Variants in APBA1 observed in about 807,000 individuals in gnomAD.
The protein encoded by APBA1 is amyloid beta precursor protein binding family A member 1.
APBA1 carries 55 observed loss-of-function variants against 86.6 expected under a neutral mutation model. The ratio of observed to expected loss-of-function variants is 0.64; its 90% confidence interval spans 0.51 to 0.80. The LOEUF (loss-of-function observed/expected upper bound fraction) is 0.80. APBA1 is among the 30% of genes least tolerant of loss of function. The pLI is 0.00. For synonymous variants in APBA1, 511 were observed against 493.9 expected (o/e 1.03, Z -0.46); for missense variants, 1,090 against 1,183.0 (o/e 0.92, Z 1.15).
intron 11 of APBA1, among the ~76,000 whole-genome samples, chr9:69,440,618 T>G: frequency 6.6e-6 from 1 of 152,176 alleles, no homozygotes; most frequent in East Asian, 1.9e-4. Flanking sequence ...TGCCGTTTGT[T>G]ATGCCCATTG....
chr9:69,642,490 A>C (rs1357616843), intron 1 of APBA1, among the ~76,000 whole-genome samples: 2 of 152,170 alleles, frequency 1.3e-5, no homozygotes, highest in Non-Finnish European at 2.9e-5. Context: ...TGGAAATCTC[A>C]TAAGTTGCTG....
intron 1 of APBA1, among the ~76,000 whole-genome samples, chr9:69,585,995 C>T (rs1822012491): frequency 1.3e-5 from 2 of 152,096 alleles, no homozygotes; most frequent in Non-Finnish European, 2.9e-5. Flanking sequence ...ATGTTTGCCT[C>T]GTCACTTCAT....
Position 69,590,783 on chromosome 9 carries a change from G to A in APBA1, c.-69-73504C>T, listed in dbSNP as rs540364939. On this transcript the variant is annotated intron_variant, in intron 1 of 12. Coordinates refer to ENST00000265381, the MANE Select transcript of APBA1 (RefSeq NM_001163.4). ...GCTTCTCACTCCCAGCTTCGCCAGGGTGGGGGTGGGCAGGGGACATGGCTG... is the reference window on the plus strand; with the variant it reads ...GCTTCTCACTCCCAGCTTCGCCAGGATGGGGGTGGGCAGGGGACATGGCTG... Among the ~76,000 whole-genome samples, 14 of 152,296 alleles carry A rather than the reference G, an allele frequency of 9.2e-5. No homozygotes were observed. In the South Asian group the frequency reaches 2.5e-3, roughly 27 times the overall value.
intron 1 of APBA1, among the ~76,000 whole-genome samples, chr9:69,518,777 A>G (rs959373961): frequency 8.5e-5 from 13 of 152,258 alleles, no homozygotes; most frequent in African/African-American, 2.6e-4. Flanking sequence ...GACCAGGGAC[A>G]TCTGATGGAC....
At chr9:69,554,299 T>C (rs1297185005) in intron 1 of APBA1, among the ~76,000 whole-genome samples, 1 of 152,188 alleles carries the variant, frequency 6.6e-6, no homozygotes, top group Admixed American at 6.6e-5. Flanking sequence ...GGGCATTAAG[T>C]AAATTAAGAG....
At chr9:69,548,726 A>T (rs968955961) in intron 1 of APBA1, among the ~76,000 whole-genome samples, 1 of 152,242 alleles carries the variant, frequency 6.6e-6, no homozygotes. Context: ...CACCAATGCC[A>T]TTTGGTCACA....
intron 8 of APBA1, among the ~76,000 whole-genome samples, chr9:69,453,080 T>G (rs1446192229): frequency 1.3e-5 from 2 of 152,244 alleles, no homozygotes; most frequent in African/African-American, 4.8e-5. Context: ...TTCAGAATGG[T>G]TGCGCCAGAG....
chr9:69,453,000 T>C (rs967544359), intron 8 of APBA1, among the ~76,000 whole-genome samples: 2 of 152,240 alleles, frequency 1.3e-5, no homozygotes, highest in African/African-American at 4.8e-5. Flanking sequence ...GATATCCCAC[T>C]GCACACTGCG....
At chr9:69,575,636 G>C (rs1356108747) in intron 1 of APBA1, among the ~76,000 whole-genome samples, 4 of 152,132 alleles carry the variant, frequency 2.6e-5, no homozygotes, top group Non-Finnish European at 5.9e-5. Flanking sequence ...AATGGTGCTG[G>C]GAAAATTGGC....
At chr9:69,497,551 C>T (rs552263150) in intron 2 of APBA1, among the ~76,000 whole-genome samples, 5 of 152,140 alleles carry the variant, frequency 3.3e-5, no homozygotes, top group Non-Finnish European at 5.9e-5. Context: ...ATCATCAGCA[C>T]ACTGCTTGAA....
chr9:69,458,088 AAGGTAAAACAGAAACG>A, intron 6 of APBA1, 52 bp downstream of exon 6: 1 of 1,445,546 alleles, frequency 6.9e-7, no homozygotes, highest in Non-Finnish European at 9.3e-7. Flanking sequence ...AAAATATAAA[AAGGTAAAACAGAAACG>A]AATGAAAAGA....
At chr9:69,523,056 C>T (rs1193798253) in intron 1 of APBA1, among the ~76,000 whole-genome samples, 1 of 152,050 alleles carries the variant, frequency 6.6e-6, no homozygotes, top group African/African-American at 2.4e-5. Context: ...TGTTCCACAG[C>T]TTGGGTGGAA....
At chr9:69,447,696 C>A (rs971219801) in intron 10 of APBA1, among the ~76,000 whole-genome samples, 1 of 152,196 alleles carries the variant, frequency 6.6e-6, no homozygotes, top group Non-Finnish European at 1.5e-5. Context: ...CATCATCTTG[C>A]TGTGCCTCAG....
chr9:69,605,037 C>T (rs1284196592), intron 1 of APBA1, among the ~76,000 whole-genome samples: 1 of 152,196 alleles, frequency 6.6e-6, no homozygotes, highest in East Asian at 1.9e-4. Flanking sequence ...TCGGTTATGA[C>T]TCACACAAAA....
At chr9:69,635,101 G>A (rs990165640) in intron 1 of APBA1, among the ~76,000 whole-genome samples, 1 of 152,096 alleles carries the variant, frequency 6.6e-6, no homozygotes, top group African/African-American at 2.4e-5. Context: ...TAATTGTGGT[G>A]TATAAGTATA....
intron 1 of APBA1, among the ~76,000 whole-genome samples, chr9:69,522,747 T>C (rs752735021): frequency 6.6e-6 from 1 of 152,148 alleles, no homozygotes; most frequent in Non-Finnish European, 1.5e-5. Flanking sequence ...CATGAGCTAG[T>C]GAGCATCCTA....
intron 1 of APBA1, among the ~76,000 whole-genome samples, chr9:69,671,920 C>A (rs1015145208): frequency 1.3e-4 from 20 of 152,202 alleles, no homozygotes; most frequent in African/African-American, 4.8e-4. Flanking sequence ...GGCATCTCAG[C>A]GGGCACCGGA....
At chr9:69,601,191 C>T (rs1822344026) in intron 1 of APBA1, among the ~76,000 whole-genome samples, 1 of 152,198 alleles carries the variant, frequency 6.6e-6, no homozygotes, top group Non-Finnish European at 1.5e-5. Context: ...AGAAGTTAAT[C>T]TATTCCAAAG....
chr9:69,542,921 G>A (rs1023094971), intron 1 of APBA1, among the ~76,000 whole-genome samples: 2 of 152,216 alleles, frequency 1.3e-5, no homozygotes, highest in Admixed American at 1.3e-4. Context: ...CTACTGGGGA[G>A]AGAAGAGAGG....
Sources: gnomAD v4.1 joint callset for allele counts (sites outside exome capture counted in the v4.1 genomes callset) on GRCh38, gnomAD v4.1.1 for gene constraint, MANE v1.5 for transcripts, NCBI Gene and HGNC (gene_info 2026-07-23, HGNC 2026-07-21) for gene names.